Variants in FKBP8 observed in about 807,000 individuals in gnomAD.
FKBP8 encodes peptidyl-prolyl cis-trans isomerase FKBP8.
FKBP8 carries 5 observed loss-of-function variants against 41.7 expected under a neutral mutation model. The observed-to-expected ratio is 0.12, with a 90% CI of 0.06 to 0.25. FKBP8 has a LOEUF of 0.25. Ranked by LOEUF, FKBP8 falls within the 10% of genes least tolerant of loss-of-function variation. The probability of loss-of-function intolerance (pLI) is 1.00; values close to 1 mark genes in which losing one functional copy is unlikely to be tolerated. For synonymous variants in FKBP8, 279 were observed against 254.5 expected (o/e 1.10, Z -0.92); for missense variants, 397 against 563.0 (o/e 0.71, Z 2.98).
intron 8 of FKBP8, 177 bp from the exon 9 acceptor site, chr19:18,532,432 T>G: frequency 2.2e-6 from 2 of 895,332 alleles, no homozygotes; most frequent in South Asian, 1.6e-5. Flanking sequence ...TGGCCCCTCC[T>G]CCAGGACACC....
At position 18,543,033 on chromosome 19, in the gene FKBP8, C is replaced by A. The variant is rs1458117222; in HGVS notation, c.-26+453G>T. On this transcript the variant is annotated intron_variant, in intron 1 of 8. Transcript: ENST00000608443. Reference sequence around the variant, plus strand: ...GCCCCCAGCACGGGCCAGCTCCCCCCACAGCCGCTCCGTCTCGCCGTAAAC... The same window carrying A: ...GCCCCCAGCACGGGCCAGCTCCCCCAACAGCCGCTCCGTCTCGCCGTAAAC... 3.0e-4 allele frequency: 143 copies of A among 483,674 alleles called. 1 individual carries two copies. The highest frequency in any genetic ancestry group is 2.3e-3 in the South Asian group (120 of 52,368). The allele number at this position is 483,674 out of a possible 1,614,324, so 30.0% of individuals were successfully genotyped here. A position where few individuals can be genotyped will look rare whatever the true frequency, so the allele number is the denominator to read the frequency against.
intron 2 of FKBP8, among the ~76,000 whole-genome samples, chr19:18,540,786 C>T (rs1306807521): frequency 6.6e-6 from 1 of 151,732 alleles, no homozygotes; most frequent in Non-Finnish European, 1.5e-5. Context: ...GCAGAAGAAT[C>T]GCTTGAACCT....
intron 2 of FKBP8, among the ~76,000 whole-genome samples, chr19:18,540,626 C>CT (rs999989703): frequency 1.4e-4 from 22 of 152,194 alleles, no homozygotes; most frequent in African/African-American, 4.8e-4. Flanking sequence ...AATCTCAGCA[C>CT]TTTAGGAGGC....
chr19:18,533,758 G>C (rs534456675), intron 6 of FKBP8, among the ~76,000 whole-genome samples: 1 of 151,762 alleles, frequency 6.6e-6, no homozygotes, highest in Non-Finnish European at 1.5e-5. Context: ...TGTAATCCCA[G>C]CACTTTGGGA....
chr19:18,534,951 A>C (rs930518517), intron 6 of FKBP8, among the ~76,000 whole-genome samples: 1 of 151,574 alleles, frequency 6.6e-6, no homozygotes. Context: ...CCACCGGCTA[A>C]TTTTTGTATT....
intron 2 of FKBP8, among the ~76,000 whole-genome samples, chr19:18,540,193 G>A (rs888437489): frequency 2.0e-5 from 3 of 152,120 alleles, no homozygotes; most frequent in African/African-American, 7.2e-5. Flanking sequence ...CTTGCCCTGA[G>A]ATGTTTGGGC....
chr19:18,542,279 A>C, intron 1 of FKBP8: 2 of 345,936 alleles, frequency 5.8e-6, no homozygotes, highest in South Asian at 9.3e-5. Flanking sequence ...GATTCCCCTC[A>C]ACATTTTGCA....
chr19:18,541,999 G>T lies in FKBP8; in HGVS notation c.-25-4C>A, dbSNP rs563584235. ...GCTGGGGGGACAGGAATTGGCCCTG[G>T]AAGTGGGGGGCAGAGATGTGGGTCA... On this transcript the variant is annotated splice_region_variant and splice_polypyrimidine_tract_variant and intron_variant, in intron 1 of 8. Transcript: ENST00000608443. 5.6e-6 allele frequency: 9 copies of T among 1,605,066 alleles called. No homozygotes were observed. The South Asian group carries it at 7.7e-5, about 14-fold the overall frequency.
chr19:18,539,522 C>A, intron 3 of FKBP8, 29 bp downstream of exon 3: 1 of 1,611,918 alleles, frequency 6.2e-7, no homozygotes, highest in Non-Finnish European at 8.5e-7. Flanking sequence ...ACGCCCCTCG[C>A]CCCTGCCCTG....
intron 2 of FKBP8, among the ~76,000 whole-genome samples, chr19:18,541,317 G>A (rs1323655844): frequency 1.3e-5 from 2 of 152,096 alleles, no homozygotes; most frequent in Non-Finnish European, 2.9e-5. Flanking sequence ...CCAGGCTGGC[G>A]TGCACTCAGG....
rs373372364 is a variant in FKBP8, at chr19:18,540,073, A to G, written c.293-353T>C. Among the ~76,000 whole-genome samples, 32 of 152,040 alleles carry G rather than the reference A, an allele frequency of 2.1e-4. No homozygotes were observed. The East Asian group carries it at 2.7e-3, about 13-fold the overall frequency. On this transcript the variant is annotated intron_variant, in intron 2 of 8. Coordinates refer to ENST00000608443, the MANE Select transcript of FKBP8 (RefSeq NM_012181.5). Reference sequence around the variant, plus strand: ...TGAGAGGCCAATGTGGGAGAATCACAAGTTCAGCCCAGCGTCTGGGCAAAA... The same window carrying G: ...TGAGAGGCCAATGTGGGAGAATCACGAGTTCAGCCCAGCGTCTGGGCAAAA...
At position 18,538,032 on chromosome 19, in the gene FKBP8, T is replaced by A; in HGVS notation, c.772+184A>T. 1 of 713,704 alleles carries A rather than the reference T, an allele frequency of 1.4e-6. No homozygotes were observed. Among genetic ancestry groups the A allele is most frequent in the South Asian group, 1.9e-5 (1 of 53,496 alleles). The allele number at this position is 713,704 out of a possible 1,614,324, so 44.2% of individuals were successfully genotyped here. ...CATATCCACTTGCATTCTACAACACTCCACTGGTCTGGGATATACCACGAG... is the reference window on the plus strand; with the variant it reads ...CATATCCACTTGCATTCTACAACACACCACTGGTCTGGGATATACCACGAG... On this transcript the variant is annotated intron_variant, in intron 5 of 8. Transcript: ENST00000608443. This position sits in a 1 kb window ranked among gnomAD's most constrained non-coding sequence, Gnocchi z 4.0.
In FKBP8 at chr19:18,541,666, C is replaced by T. The variant is rs1254219567; in HGVS notation, c.292+13G>A. The T allele has an allele frequency of 1.3e-6, 2 of 1,594,260 alleles. No individual in the cohort carries two copies. Among genetic ancestry groups the T allele is most frequent in the Admixed American group, 1.7e-5 (1 of 59,118 alleles). ...CAGGGCCAAGGGCACCCTGATCCAC[C>T]TTTGCTCCTTACCCAGAATGTCCAG... On this transcript the variant is annotated intron_variant, in intron 2 of 8. Coordinates refer to ENST00000608443, the MANE Select transcript of FKBP8 (RefSeq NM_012181.5).
At chr19:18,532,390 A>G in intron 8 of FKBP8, 135 bp from the exon 9 acceptor site, 1 of 995,846 alleles carries the variant, frequency 1.0e-6, no homozygotes, top group South Asian at 1.5e-5. Context: ...TTCCTGGCAA[A>G]CTCCTACTCA....
intron 6 of FKBP8, among the ~76,000 whole-genome samples, chr19:18,536,593 G>A (rs1252637260): frequency 2.0e-5 from 3 of 152,148 alleles, no homozygotes; most frequent in Admixed American, 6.6e-5. Context: ...GGGCTCATGC[G>A]ATCCTCCTGC....
In FKBP8 at chr19:18,537,935, T is replaced by TG; in HGVS notation, c.773-163dup. 2 of 794,584 alleles carry TG rather than the reference T, an allele frequency of 2.5e-6. No homozygotes were observed. Among genetic ancestry groups the TG allele is most frequent in the South Asian group, 3.6e-5 (2 of 55,300 alleles). The allele number at this position is 794,584 out of a possible 1,614,324, so 49.2% of individuals were successfully genotyped here. On this transcript the variant is annotated intron_variant, in intron 5 of 8. Coordinates refer to ENST00000608443, the MANE Select transcript of FKBP8 (RefSeq NM_012181.5). This position sits in a 1 kb window ranked among gnomAD's most constrained non-coding sequence, Gnocchi z 4.4. ...GGGCTCTCCTGAGGAAGCTACAAGA[T>TG]GGAGACTTAAGCAAGCGAGGGCCTA...
chr19:18,543,033 C>G (rs1458117222), intron 1 of FKBP8: 4 of 483,676 alleles, frequency 8.3e-6, no homozygotes, highest in South Asian at 3.8e-5. Flanking sequence ...CAGCTCCCCC[C>G]ACAGCCGCTC....
chr19:18,533,206 TG>T, intron 7 of FKBP8, 63 bp downstream of exon 7: 1 of 1,431,028 alleles, frequency 7.0e-7, no homozygotes, highest in Non-Finnish European at 9.4e-7. Flanking sequence ...AAGAAAGACC[TG>T]GGGCAGACCG....
intron 2 of FKBP8, among the ~76,000 whole-genome samples, chr19:18,541,168 C>T (rs770932594): frequency 1.9e-4 from 29 of 152,102 alleles, no homozygotes; most frequent in Non-Finnish European, 1.9e-4. Context: ...TAGTTTTCTT[C>T]TTGTAGGATT....
Sources: allele counts gnomAD v4.1 joint callset (sites outside exome capture counted in the v4.1 genomes callset), GRCh38; gene constraint gnomAD v4.1.1; non-coding constraint Gnocchi (gnomAD v3.1); transcripts MANE v1.5; gene names NCBI Gene and HGNC (gene_info 2026-07-23, HGNC 2026-07-21).